Variants in CNTNAP2 observed in about 807,000 individuals in gnomAD.
CNTNAP2 encodes the protein contactin associated protein 2, also known as contactin-associated protein-like 2.
In CNTNAP2, 98 loss-of-function variants were observed where a neutral mutation model predicts 155.2. That is an observed-to-expected ratio of 0.63 (90% CI 0.54 to 0.75). The LOEUF (loss-of-function observed/expected upper bound fraction) is 0.75, where lower values mean the gene tolerates loss of function less well. Among genes scored for constraint, CNTNAP2 ranks in the 30% least tolerant of loss-of-function variants. The probability of loss-of-function intolerance (pLI) is 0.00; values close to 1 mark genes in which losing one functional copy is unlikely to be tolerated. For missense variants in CNTNAP2, 1,727 were observed against 1,688.1 expected, an observed-to-expected ratio of 1.02 and a Z score of -0.40; for synonymous variants, 651 against 631.2, an observed-to-expected ratio of 1.03 and a Z score of -0.47.
chr7:146,924,380 C>T (rs1340623438), intron 3 of CNTNAP2, among the ~76,000 whole-genome samples: 3 of 152,114 alleles, frequency 2.0e-5, no homozygotes, highest in Admixed American at 2.0e-4. Context: ...TTATTCCATT[C>T]ACTGAGGTAG....
intron 6 of CNTNAP2, among the ~76,000 whole-genome samples, chr7:147,124,904 TGAA>T (rs1801202702): frequency 2.4e-5 from 3 of 122,622 alleles, no homozygotes; most frequent in Non-Finnish European, 4.8e-5. Flanking sequence ...TTTTTTGAGA[TGAA>T]GTCTTGCTCT....
chr7:148,247,647 A>ATTT (rs1361087053), intron 20 of CNTNAP2, among the ~76,000 whole-genome samples: 14 of 125,820 alleles, frequency 1.1e-4, no homozygotes, highest in Non-Finnish European at 1.3e-4. Flanking sequence ...TTATTTATTT[A>ATTT]TTTATTTATT....
At chr7:146,179,287 G>A (rs1386524775) in intron 1 of CNTNAP2, among the ~76,000 whole-genome samples, 1 of 152,094 alleles carries the variant, frequency 6.6e-6, no homozygotes, top group Non-Finnish European at 1.5e-5. Flanking sequence ...AATAACTTGG[G>A]ACATGGGGTA....
intron 11 of CNTNAP2, among the ~76,000 whole-genome samples, chr7:147,510,249 G>A (rs971538722): frequency 6.6e-6 from 1 of 152,100 alleles, no homozygotes; most frequent in Non-Finnish European, 1.5e-5. Flanking sequence ...GACTCTGAGG[G>A]CTAAAACCCA....
intron 15 of CNTNAP2, among the ~76,000 whole-genome samples, chr7:148,082,738 G>A (rs1245745787): frequency 6.6e-6 from 1 of 152,086 alleles, no homozygotes; most frequent in Non-Finnish European, 1.5e-5. Flanking sequence ...GAGTGCAATG[G>A]CACCATCTCA....
intron 1 of CNTNAP2, among the ~76,000 whole-genome samples, chr7:146,364,766 C>T (rs115034008): frequency 0.015 from 2,303 of 152,198 alleles, 53 homozygotes; most frequent in African/African-American, 0.053. Flanking sequence ...TGGAACAATA[C>T]AATGAAGGAC....
intron 9 of CNTNAP2, among the ~76,000 whole-genome samples, chr7:147,355,536 G>C (rs1796048964): frequency 6.6e-6 from 1 of 151,908 alleles, no homozygotes. Flanking sequence ...AAAATAGATA[G>C]ACTGCTAGTC....
intron 5 of CNTNAP2, among the ~76,000 whole-genome samples, chr7:147,118,877 T>C (rs901501386): frequency 6.6e-6 from 1 of 152,128 alleles, no homozygotes; most frequent in Non-Finnish European, 1.5e-5. Flanking sequence ...TGAAAGAAAA[T>C]AGACCAAATT....
chr7:147,443,658 A>G (rs139575965), intron 10 of CNTNAP2, among the ~76,000 whole-genome samples: 2 of 152,210 alleles, frequency 1.3e-5, no homozygotes, highest in African/African-American at 4.8e-5. Flanking sequence ...CTCTTTTTAG[A>G]TTCTAGCATT....
chr7:147,992,283 T>C (rs1801724684), intron 15 of CNTNAP2, among the ~76,000 whole-genome samples: 1 of 151,810 alleles, frequency 6.6e-6, no homozygotes, highest in African/African-American at 2.4e-5. Context: ...AGTTAATTTT[T>C]GTATTTTTAG....
chr7:147,703,680 T>TAG (rs1796268758), intron 13 of CNTNAP2, among the ~76,000 whole-genome samples: 8 of 152,196 alleles, frequency 5.3e-5, no homozygotes, highest in African/African-American at 1.7e-4. Flanking sequence ...GTCTGTCATC[T>TAG]GGAGTATACA....
At position 148,413,401 on chromosome 7, in the gene CNTNAP2, A is replaced by AAAAAAAATT. The variant is rs1442990213; in HGVS notation, c.3797-2015_3797-2014insAAAAAATTA. ...GAGTGAAACTCCGTCTCAAAAAAAA[A>AAAAAAAATT]ATATATATATATATATATATATATA... On this transcript the variant is annotated intron_variant, in intron 23 of 23. Coordinates refer to ENST00000361727, the MANE Select transcript of CNTNAP2 (RefSeq NM_014141.6). Among the ~76,000 whole-genome samples the AAAAAAAATT allele has an allele frequency of 6.6e-5, 3 of 45,376 alleles. 1 individual carries two copies. The highest frequency in any genetic ancestry group is 3.8e-4 in the African/African-American group (3 of 7,872). The allele number at this position is 45,376 out of a possible 152,430, so 29.8% of individuals were successfully genotyped here.
intron 3 of CNTNAP2, among the ~76,000 whole-genome samples, chr7:146,987,111 C>T (rs1373922715): frequency 6.6e-6 from 1 of 152,134 alleles, no homozygotes; most frequent in African/African-American, 2.4e-5. Context: ...ATTCAAACTG[C>T]ATTCTTGCTG....
intron 19 of CNTNAP2, among the ~76,000 whole-genome samples, chr7:148,225,191 C>A (rs990531740): frequency 6.6e-6 from 1 of 152,130 alleles, no homozygotes; most frequent in Non-Finnish European, 1.5e-5. Flanking sequence ...AGACAATAAA[C>A]AAATTGGTAC....
intron 1 of CNTNAP2, among the ~76,000 whole-genome samples, chr7:146,418,102 C>G (rs1795962699): frequency 6.6e-6 from 1 of 152,164 alleles, no homozygotes; most frequent in African/African-American, 2.4e-5. Flanking sequence ...CATTTAACTT[C>G]TTAGTCTTCC....
intron 3 of CNTNAP2, among the ~76,000 whole-genome samples, chr7:146,959,040 G>A (rs1276898260): frequency 6.6e-6 from 1 of 151,336 alleles, no homozygotes; most frequent in African/African-American, 2.4e-5. Flanking sequence ...TTTATTTTGA[G>A]ATGTAGTCTT....
intron 1 of CNTNAP2, among the ~76,000 whole-genome samples, chr7:146,633,997 A>AC (rs1490005578): frequency 6.6e-6 from 1 of 152,052 alleles, no homozygotes. Context: ...TAGGAAGAGT[A>AC]CCCTATGGGC....
chr7:147,742,006 C>T (rs1442428037), intron 13 of CNTNAP2, among the ~76,000 whole-genome samples: 1 of 152,188 alleles, frequency 6.6e-6, no homozygotes, highest in African/African-American at 2.4e-5. Context: ...GAGCAAGTCA[C>T]ATCTTACATG....
intron 12 of CNTNAP2, among the ~76,000 whole-genome samples, chr7:147,566,171 C>T (rs990236909): frequency 1.3e-5 from 2 of 150,128 alleles, no homozygotes; most frequent in African/African-American, 4.9e-5. Flanking sequence ...TGGTGCAAAC[C>T]TGTGGTCCCA....
Sources: allele counts gnomAD v4.1 joint callset (sites outside exome capture counted in the v4.1 genomes callset), GRCh38; gene constraint gnomAD v4.1.1; transcripts MANE v1.5; gene names NCBI Gene and HGNC (gene_info 2026-07-23, HGNC 2026-07-21).